SPTA1: variants seen among roughly 807,000 people sequenced by gnomAD.
The protein encoded by SPTA1 is spectrin alpha chain, erythrocytic 1.
SPTA1 carries 177 observed loss-of-function variants against 324.7 expected under a neutral mutation model. The observed-to-expected ratio is 0.55, with a 90% CI of 0.48 to 0.62. The LOEUF (loss-of-function observed/expected upper bound fraction) is 0.62. Among genes scored for constraint, SPTA1 ranks in the 20% least tolerant of loss-of-function variants. SPTA1 has a pLI of 0.00. For synonymous variants in SPTA1, 1,195 were observed against 1,041.3 expected, an observed-to-expected ratio of 1.15 and a Z score of -2.84; for missense variants, 3,162 against 2,883.6, an observed-to-expected ratio of 1.10 and a Z score of -2.21.
At chr1:158,633,007 T>C (rs532076363) in intron 39 of SPTA1, among the ~76,000 whole-genome samples, 2 of 152,356 alleles carry the variant, frequency 1.3e-5, no homozygotes, top group South Asian at 2.1e-4. Context: ...GGATGAACTA[T>C]TGTTACACAC....
intron 17 of SPTA1, 109 bp from the exon 18 acceptor site, chr1:158,661,518 A>C: frequency 3.5e-6 from 5 of 1,413,776 alleles, no homozygotes; most frequent in Non-Finnish European, 4.9e-6. Flanking sequence ...TTGAAGTTCT[A>C]ACCATTGAGT....
At chr1:158,683,251 A>G (rs746128325) in intron 3 of SPTA1, 120 bp downstream of exon 3, 66 of 1,410,116 alleles carry the variant, frequency 4.7e-5, no homozygotes, top group Non-Finnish European at 6.1e-5. Context: ...CCAGGGGAAG[A>G]TAAGAGGCAG....
In SPTA1 at chr1:158,647,701, G is replaced by C; in HGVS notation, c.3734C>G (p.Thr1245Arg). 1 of 1,613,850 alleles carries C rather than the reference G, an allele frequency of 6.2e-7. No homozygotes were observed. The highest frequency in any genetic ancestry group is 8.5e-7 in the Non-Finnish European group (1 of 1,179,900). Residue 1245 changes from threonine to arginine, a missense_variant, in exon 27 of 52, where the codon ACA becomes AGA. Thr to Arg is a moderately conservative substitution (Grantham distance 71, BLOSUM62 -1). Coordinates refer to ENST00000643759, the MANE Select transcript of SPTA1 (RefSeq NM_003126.4). ...LGDKVTILGETAERLSESHPD... is the reference protein window; with the variant it reads ...LGDKVTILGERAERLSESHPD... ...ATGGGACTCACTGAGCCGCTCTGCT[G>C]TCTCCCCCAGTATGGTCACCTGGGG... is the stretch of plus-strand genomic sequence containing the variant.
intron 18 of SPTA1, among the ~76,000 whole-genome samples, chr1:158,660,279 T>C (rs1339204487): frequency 6.6e-6 from 1 of 152,148 alleles, no homozygotes; most frequent in Non-Finnish European, 1.5e-5. Flanking sequence ...ATGCTATTTA[T>C]AAGAATCTCA....
chr1:158,656,812 G>C (rs1195049236), intron 19 of SPTA1, among the ~76,000 whole-genome samples, 156 bp from the exon 20 acceptor site: 1 of 152,148 alleles, frequency 6.6e-6, no homozygotes, highest in Non-Finnish European at 1.5e-5. Context: ...TTGCAAGCAT[G>C]AAGGAAATAG....
At chr1:158,654,249 A>C (rs1652667588) in intron 21 of SPTA1, among the ~76,000 whole-genome samples, 1 of 152,198 alleles carries the variant, frequency 6.6e-6, no homozygotes, top group Admixed American at 6.5e-5. Context: ...AGACATTGTT[A>C]TTTTATCACT....
rs1417059356 is a variant in SPTA1, at chr1:158,613,760, G to T, written c.6950C>A (p.Pro2317His). The change falls in exon 50 of 52, where the codon CCC becomes CAC. Residue 2317 changes from proline to histidine, a missense_variant. Physicochemically the swap from Pro to His is moderately conservative, Grantham distance 77. Coordinates refer to ENST00000643759, the MANE Select transcript of SPTA1 (RefSeq NM_003126.4). ...LPMVEEDEHE[P>H]KFEKFLDAVD... ...AGCATCCAGGAACTTCTCAAACTTGGGCTCATGTTCATCCTCCTCCACCAT... is the reference window on the plus strand; with the variant it reads ...AGCATCCAGGAACTTCTCAAACTTGTGCTCATGTTCATCCTCCTCCACCAT... The T allele has an allele frequency of 3.7e-6, 6 of 1,613,554 alleles. No homozygotes were observed. In the African/African-American group the frequency reaches 6.7e-5, roughly 18 times the overall value.
chr1:158,623,590 A>C (rs1266195189), intron 42 of SPTA1, among the ~76,000 whole-genome samples: 2 of 152,114 alleles, frequency 1.3e-5, no homozygotes, highest in East Asian at 1.9e-4. Flanking sequence ...TGGTTTTATA[A>C]GGGGCTTTTC....
At chr1:158,649,835 T>C in intron 25 of SPTA1, 21 bp downstream of exon 25, 1 of 1,600,552 alleles carries the variant, frequency 6.2e-7, no homozygotes, top group Non-Finnish European at 8.6e-7. Context: ...CAGCACTGCT[T>C]TTTAGAGTTA....
rs1651917100 is a variant in SPTA1, at chr1:158,645,367, C to T, written c.4015G>A (p.Glu1339Lys). 6.2e-7 allele frequency: 1 copy of T among 1,613,870 alleles called. No individual in the cohort carries two copies. Among genetic ancestry groups the T allele is most frequent in the Admixed American group, 1.7e-5 (1 of 59,962 alleles). The change falls in exon 29 of 52, where the codon GAG (glutamate) becomes AAG (lysine). Residue 1339 changes from glutamate (E) to lysine (K), a missense_variant. Glu to Lys is a moderately conservative substitution (Grantham distance 56). Coordinates refer to ENST00000643759, the MANE Select transcript of SPTA1 (RefSeq NM_003126.4). Reference sequence around the variant, plus strand: ...GCCTGGAAGGTGGGAGCCTCTGCCTCCATGTCAGCACGGTGCTCCTGTGGG... The same window carrying T: ...GCCTGGAAGGTGGGAGCCTCTGCCTTCATGTCAGCACGGTGCTCCTGTGGG... ...ERHQEHRADM[E>K]AEAPTFQALE...
At position 158,680,439 on chromosome 1, in the gene SPTA1, T is replaced by C. The variant is rs2101942216; in HGVS notation, c.678+144A>G. Reference sequence around the variant, plus strand: ...TGGGTCCAGAGGGGAGAGGAAACTGTTCAGAATATGTTACTCCAGGAACAT... The same window carrying C: ...TGGGTCCAGAGGGGAGAGGAAACTGCTCAGAATATGTTACTCCAGGAACAT... On this transcript the variant is annotated intron_variant, in intron 5 of 51. Transcript: ENST00000643759. The C allele has an allele frequency of 3.4e-6, 4 of 1,164,550 alleles. No homozygotes were observed. The Admixed American group carries it at 5.3e-5, about 16-fold the overall frequency. 72.1% of individuals were successfully genotyped at this position (1,164,550 alleles called of 1,614,324 possible).
At chr1:158,639,408 A>C in intron 35 of SPTA1, 174 bp downstream of exon 35, 2 of 662,332 alleles carry the variant, frequency 3.0e-6, no homozygotes, top group Non-Finnish European at 5.4e-6. Flanking sequence ...TATCAGTGAC[A>C]GTTTTAATGT....
Position 158,635,989 on chromosome 1 carries a change from C to T in SPTA1, c.5356G>A (p.Gly1786Arg). 6.2e-7 allele frequency: 1 copy of T among 1,614,170 alleles called. No individual in the cohort carries two copies. The change falls in exon 38 of 52, where the codon GGG becomes AGG. Residue 1786 changes from glycine to arginine, a missense_variant. Gly to Arg is a moderately radical substitution (Grantham distance 125, BLOSUM62 -2). Transcript: ENST00000643759. Reference protein sequence around the residue: ...AEKLKDKAAVGQEEIQLRLAQ... With the variant: ...AEKLKDKAAVRQEEIQLRLAQ... ...AGCCGCAACTGGATCTCCTCTTGCCCCACAGCAGCCTTGTCTTTCAGCTTC... is the reference window on the plus strand; with the variant it reads ...AGCCGCAACTGGATCTCCTCTTGCCTCACAGCAGCCTTGTCTTTCAGCTTC...
Position 158,634,396 on chromosome 1 carries a change from C to G in SPTA1, c.5565+147G>C, listed in dbSNP as rs546545340. The stretch of plus-strand genomic sequence containing the variant: ...CTTACATGCTTGGACTTTAATTTTT[C>G]GTATTTAAAACTGTCAGGATTATTC... On this transcript the variant is annotated intron_variant, in intron 39 of 51. Transcript: ENST00000643759. The G allele has an allele frequency of 4.8e-5, 59 of 1,221,650 alleles. 1 individual carries two copies. In the South Asian group the frequency reaches 6.4e-4, roughly 13 times the overall value. The allele number at this position is 1,221,650 out of a possible 1,614,324, so 75.7% of individuals were successfully genotyped here.
rs369500677 is a variant in SPTA1 at position 158,611,243 on chromosome 1, C to T, written c.*21G>A. On this transcript the variant is annotated 3_prime_UTR_variant, in exon 52 of 52. Transcript: ENST00000643759. ...TTTCCCACGACACTAAGATTTTCTA[C>T]GATCCACGAGGAGCTGCTTATTAGT... 31 of 1,609,836 alleles carry T rather than the reference C, an allele frequency of 1.9e-5. No homozygotes were observed. Among genetic ancestry groups the T allele is most frequent in the South Asian group, 1.8e-4 (16 of 91,030 alleles).
chr1:158,647,513 C>T (rs1409744146), intron 27 of SPTA1, 26 bp downstream of exon 27: 1 of 1,612,298 alleles, frequency 6.2e-7, no homozygotes. Flanking sequence ...AGAGGCCAGA[C>T]ACGGAAGTTA....
At chr1:158,619,598 C>T (rs1167970763) in intron 44 of SPTA1, among the ~76,000 whole-genome samples, 1 of 152,090 alleles carries the variant, frequency 6.6e-6, no homozygotes, top group Non-Finnish European at 1.5e-5. Context: ...TAAAAGCAAA[C>T]CTCTCCTGTT....
At chr1:158,640,494 T>C (rs864507) in intron 33 of SPTA1, among the ~76,000 whole-genome samples, 1 of 152,032 alleles carries the variant, frequency 6.6e-6, no homozygotes, top group Non-Finnish European at 1.5e-5. Context: ...AATCAATGTG[T>C]AAAAATCACA....
chr1:158,629,485 C>G (rs1049418668), intron 39 of SPTA1, among the ~76,000 whole-genome samples: 12 of 151,920 alleles, frequency 7.9e-5, no homozygotes, highest in African/African-American at 2.7e-4. Context: ...ATTCAGCACT[C>G]TTTCATGATA....
Sources: gnomAD v4.1 joint callset for allele counts (sites outside exome capture counted in the v4.1 genomes callset) on GRCh38, gnomAD v4.1.1 for gene constraint, MANE v1.5 for transcripts, NCBI Gene and HGNC (gene_info 2026-07-23, HGNC 2026-07-21) for gene names.